The following RBPJ variants were observed in gnomAD, a reference collection of about 807,000 sequenced individuals.
The protein encoded by RBPJ is recombining binding protein suppressor of hairless.
A neutral mutation model predicts 67.8 loss-of-function variants in RBPJ; 9 were observed. The ratio of observed to expected loss-of-function variants is 0.13; its 90% CI spans 0.08 to 0.23. The LOEUF is 0.23. RBPJ is among the 10% of genes least tolerant of loss of function. The pLI is 1.00. For synonymous variants in RBPJ, 198 were observed against 203.3 expected (o/e 0.97, Z 0.22); for missense variants, 305 against 595.6 (o/e 0.51, Z 5.08).
At chr4:26,244,270 CAT>C (rs368732291) in intron 1 of RBPJ, among the ~76,000 whole-genome samples, 1,464 of 16,006 alleles carry the variant, frequency 0.091, 133 homozygotes, top group Admixed American at 0.2. Context: ...TATGTGTACA[CAT>C]ATATGTGTGT....
At chr4:26,114,912 A>G in the RBPJ span, among the ~76,000 whole-genome samples, 3 of 152,338 alleles carry the variant, frequency 2.0e-5, no homozygotes, top group East Asian at 5.8e-4. Flanking sequence ...TATTAAAAAC[A>G]AAGGTAATAA....
chr4:26,299,290 A>G (rs11944224), intron 1 of RBPJ, among the ~76,000 whole-genome samples: 4,845 of 152,318 alleles, frequency 0.032, 200 homozygotes, highest in African/African-American at 0.097. Context: ...AAATCTGTTT[A>G]GAAGAACACC....
intron 1 of RBPJ, among the ~76,000 whole-genome samples, chr4:26,284,254 T>G (rs1007258818): frequency 3.3e-5 from 5 of 152,170 alleles, no homozygotes; most frequent in Non-Finnish European, 7.4e-5. Flanking sequence ...CTGAACATGC[T>G]CTAATGTATT....
At chr4:26,173,238 C>T (rs573924782) in intron 1 of RBPJ, among the ~76,000 whole-genome samples, 5 of 152,212 alleles carry the variant, frequency 3.3e-5, no homozygotes, top group South Asian at 2.1e-4. Flanking sequence ...CAGGTTTGAG[C>T]GATTCTCCTG....
chr4:26,215,200 G>GAGAAA (rs1718648499), intron 1 of RBPJ, among the ~76,000 whole-genome samples: 1 of 33,294 alleles, frequency 3.0e-5, no homozygotes, highest in Non-Finnish European at 5.0e-5. Flanking sequence ...GAAGGAAAAA[G>GAGAAA]AGAGAGAAAG....
At chr4:26,226,556 A>C (rs747911874) in intron 1 of RBPJ, among the ~76,000 whole-genome samples, 1 of 152,224 alleles carries the variant, frequency 6.6e-6, no homozygotes, top group Non-Finnish European at 1.5e-5. Flanking sequence ...CAATTTCCTC[A>C]GTTCTAAAAT....
intron 1 of RBPJ, among the ~76,000 whole-genome samples, chr4:26,235,180 G>A (rs954787571): frequency 3.9e-5 from 6 of 152,162 alleles, no homozygotes; most frequent in Non-Finnish European, 5.9e-5. Flanking sequence ...CTACTTATTA[G>A]TGCTGAAAAA....
chr4:26,301,544 A>G (rs1340520680), intron 1 of RBPJ, among the ~76,000 whole-genome samples: 2 of 151,302 alleles, frequency 1.3e-5, no homozygotes, highest in Admixed American at 1.3e-4. Flanking sequence ...GTGAGCCAAA[A>G]TGGCGCCACT....
At chr4:26,303,181 A>T (rs1025609943) in intron 1 of RBPJ, among the ~76,000 whole-genome samples, 3 of 138,378 alleles carry the variant, frequency 2.2e-5, no homozygotes, top group South Asian at 2.2e-4. Context: ...ACCCTGTCAA[A>T]AAATAAATAA....
chr4:26,116,500 G>A, the RBPJ span, among the ~76,000 whole-genome samples: 2 of 152,118 alleles, frequency 1.3e-5, no homozygotes, highest in South Asian at 2.1e-4. Flanking sequence ...TTCAAAGTCC[G>A]CCCAGCAGTT....
chr4:26,107,325 CAT>C, the RBPJ span, among the ~76,000 whole-genome samples: 1 of 152,202 alleles, frequency 6.6e-6, no homozygotes, highest in Non-Finnish European at 1.5e-5. Context: ...AGAGGTAACT[CAT>C]GTTTTCTCAA....
intron 1 of RBPJ, among the ~76,000 whole-genome samples, chr4:26,257,027 G>A (rs968157008): frequency 1.3e-4 from 20 of 152,098 alleles, no homozygotes; most frequent in African/African-American, 4.6e-4. Flanking sequence ...AATACAAAAC[G>A]ATCAGTCCAT....
At chr4:26,208,117 A>G (rs567102264) in intron 1 of RBPJ, among the ~76,000 whole-genome samples, 1 of 152,360 alleles carries the variant, frequency 6.6e-6, no homozygotes, top group East Asian at 1.9e-4. Context: ...GAATAATAGC[A>G]ACAGTGTTTG....
chr4:26,316,490 T>TATATATTC (rs1287760380), upstream of RBPJ, among the ~76,000 whole-genome samples: 58 of 73,642 alleles, frequency 7.9e-4, no homozygotes, highest in African/African-American at 2.1e-3. Flanking sequence ...TACATATTCA[T>TATATATTC]ATATATATTC....
intron 2 of RBPJ, among the ~76,000 whole-genome samples, chr4:26,398,094 G>A (rs1732341900): frequency 6.7e-6 from 1 of 148,908 alleles, no homozygotes; most frequent in Admixed American, 6.8e-5. Context: ...GTGTGTGTGT[G>A]ATTACTTTGA....
the RBPJ span, among the ~76,000 whole-genome samples, chr4:26,129,347 A>T: frequency 6.6e-6 from 1 of 152,146 alleles, no homozygotes; most frequent in Non-Finnish European, 1.5e-5. Context: ...AAATATGTGG[A>T]CCCTAAAAGT....
intron 1 of RBPJ, among the ~76,000 whole-genome samples, chr4:26,280,395 CAA>C (rs11295196): frequency 0.026 from 2,255 of 86,830 alleles, 57 homozygotes; most frequent in African/African-American, 0.086. Context: ...CACTTCATCT[CAA>C]AAAAAAAAAA....
intron 1 of RBPJ, among the ~76,000 whole-genome samples, chr4:26,212,498 G>A (rs570334794): frequency 1.5e-4 from 20 of 137,866 alleles, no homozygotes; most frequent in African/African-American, 5.5e-4. Context: ...GTGCAGTGGT[G>A]CAATCTTGGC....
the RBPJ span, among the ~76,000 whole-genome samples, chr4:26,110,529 A>G: frequency 6.6e-6 from 1 of 152,238 alleles, no homozygotes; most frequent in Non-Finnish European, 1.5e-5. This position sits in a 1 kb window ranked among gnomAD's most constrained non-coding sequence, Gnocchi z 4.5. Flanking sequence ...GTCCATCAGG[A>G]TAAGTGGGCA....
Sources: gnomAD v4.1 joint callset for allele counts (sites outside exome capture counted in the v4.1 genomes callset) on GRCh38, gnomAD v4.1.1 for gene constraint, Gnocchi (gnomAD v3.1) non-coding constraint, MANE v1.5 for transcripts, NCBI Gene and HGNC (gene_info 2026-07-23, HGNC 2026-07-21) for gene names.